Variants in CCDC192 observed in about 807,000 individuals in gnomAD.
CCDC192 encodes the protein coiled-coil domain containing 192.
chr5:127,913,287 T>C (rs1348617268), intron 6 of CCDC192, among the ~76,000 whole-genome samples: 2 of 152,206 alleles, frequency 1.3e-5, no homozygotes, highest in Non-Finnish European at 2.9e-5. Flanking sequence ...CACTTTACCA[T>C]ATTTTCCAAA....
chr5:127,747,551 A>G (rs376101087), intron 2 of CCDC192, among the ~76,000 whole-genome samples: 2 of 151,724 alleles, frequency 1.3e-5, no homozygotes, highest in Admixed American at 1.3e-4. Flanking sequence ...ATTGTGAATA[A>G]TGCCGCAATA....
intron 2 of CCDC192, among the ~76,000 whole-genome samples, chr5:127,738,240 A>T (rs1753149499): frequency 6.7e-6 from 1 of 148,342 alleles, no homozygotes; most frequent in African/African-American, 2.5e-5. Context: ...CTTTCCTTTA[A>T]GAATGTTGAA....
At chr5:127,879,620 C>T (rs1299706758) in intron 6 of CCDC192, among the ~76,000 whole-genome samples, 10 of 52,438 alleles carry the variant, frequency 1.9e-4, no homozygotes, top group Non-Finnish European at 1.2e-4. Context: ...TTCTGCACAG[C>T]AAAAGAAACT....
chr5:127,924,895 C>T (rs1304257311), intron 6 of CCDC192, among the ~76,000 whole-genome samples: 1 of 152,086 alleles, frequency 6.6e-6, no homozygotes, highest in African/African-American at 2.4e-5. Context: ...CTTTTATCCC[C>T]CTCTTTACTC....
chr5:127,819,237 G>A (rs902462321), intron 5 of CCDC192, among the ~76,000 whole-genome samples: 6 of 152,224 alleles, frequency 3.9e-5, no homozygotes, highest in South Asian at 2.1e-4. Flanking sequence ...TAGGAAGCGC[G>A]CTAACAACGA....
At chr5:127,828,429 A>G (rs1409077863) in intron 5 of CCDC192, among the ~76,000 whole-genome samples, 4 of 152,240 alleles carry the variant, frequency 2.6e-5, no homozygotes, top group Non-Finnish European at 5.9e-5. Context: ...TAGAAGTAGT[A>G]TGATCTTTGT....
intron 6 of CCDC192, among the ~76,000 whole-genome samples, chr5:127,935,043 TA>T (rs1274314957): frequency 6.6e-6 from 1 of 152,172 alleles, no homozygotes; most frequent in Non-Finnish European, 1.5e-5. Flanking sequence ...TCTTGTTGAG[TA>T]AATACTTGGC....
rs192270769 is a variant in CCDC192 at position 127,898,230 on chromosome 5, C to T, written c.535+22569C>T. On this transcript the variant is annotated intron_variant, in intron 6 of 6. Coordinates refer to ENST00000514853, the MANE Select transcript of CCDC192 (RefSeq NM_001317938.2). ...TTCAAGTGATTCTCCTGCCTAGGCC[C>T]CTCGAGTAGCTGGGATTATAGGCAC... 2.8e-3 allele frequency among the ~76,000 whole-genome samples: 428 copies of T among 152,058 alleles called. 1 individual carries two copies. The highest frequency in any genetic ancestry group is 9.9e-3 in the African/African-American group (410 of 41,468).
At chr5:127,903,147 A>G (rs1028519546) in intron 6 of CCDC192, among the ~76,000 whole-genome samples, 1 of 152,030 alleles carries the variant, frequency 6.6e-6, no homozygotes, top group African/African-American at 2.4e-5. Flanking sequence ...GCAGCTCCAC[A>G]CTTGCAGGGT....
intron 5 of CCDC192, among the ~76,000 whole-genome samples, chr5:127,845,186 A>T (rs1284753222): frequency 6.6e-6 from 1 of 152,196 alleles, no homozygotes; most frequent in Non-Finnish European, 1.5e-5. Context: ...ATTAGCCAAG[A>T]AGCCATGTTC....
chr5:127,850,262 G>T (rs1225897134), intron 5 of CCDC192, among the ~76,000 whole-genome samples: 2 of 152,176 alleles, frequency 1.3e-5, no homozygotes, highest in African/African-American at 4.8e-5. Context: ...GCTACATTCT[G>T]CTGGTCTAAC....
At chr5:127,766,576 A>G (rs1755235546) in intron 3 of CCDC192, among the ~76,000 whole-genome samples, 1 of 142,612 alleles carries the variant, frequency 7.0e-6, no homozygotes, top group Non-Finnish European at 1.5e-5. Context: ...TTCAAAGTCC[A>G]TTATTATCTG....
chr5:127,838,823 A>G (rs1375236013), intron 5 of CCDC192: 1 of 152,260 alleles, frequency 6.6e-6, no homozygotes, highest in Non-Finnish European at 1.5e-5. Context: ...TGAAAGCAGC[A>G]TCCTGTGTGT....
chr5:127,897,667 A>G (rs906104262), intron 6 of CCDC192, among the ~76,000 whole-genome samples: 1 of 151,906 alleles, frequency 6.6e-6, no homozygotes, highest in Non-Finnish European at 1.5e-5. Context: ...TTTCTTTTTC[A>G]TTTTTCCTCT....
chr5:127,890,221 TA>T (rs956682940), intron 6 of CCDC192, among the ~76,000 whole-genome samples: 15 of 152,058 alleles, frequency 9.9e-5, no homozygotes, highest in Non-Finnish European at 1.6e-4. Flanking sequence ...AAAATTTTTT[TA>T]AAAAAATAGC....
chr5:127,870,812 A>G (rs578225126), intron 5 of CCDC192, among the ~76,000 whole-genome samples: 1 of 152,370 alleles, frequency 6.6e-6, no homozygotes, highest in African/African-American at 2.4e-5. Context: ...TGACTTTTAA[A>G]GACAAGTTGT....
At chr5:127,790,295 T>C (rs1409640192) in intron 3 of CCDC192, among the ~76,000 whole-genome samples, 1 of 152,176 alleles carries the variant, frequency 6.6e-6, no homozygotes, top group Non-Finnish European at 1.5e-5. Flanking sequence ...TACCATCCTG[T>C]ATTTTGGGGC....
intron 3 of CCDC192, among the ~76,000 whole-genome samples, chr5:127,761,936 A>G (rs968262661): frequency 2.0e-5 from 3 of 152,194 alleles, no homozygotes; most frequent in Non-Finnish European, 4.4e-5. Context: ...TGTCCAGTCT[A>G]TCTTTTCTTT....
At chr5:127,765,273 T>C (rs1256572817) in intron 3 of CCDC192, among the ~76,000 whole-genome samples, 1 of 152,210 alleles carries the variant, frequency 6.6e-6, no homozygotes, top group Non-Finnish European at 1.5e-5. Flanking sequence ...GAAGCAGATA[T>C]GAAAGTCCCA....
Sources: allele counts gnomAD v4.1 joint callset (sites outside exome capture counted in the v4.1 genomes callset), GRCh38; gene constraint gnomAD v4.1.1; transcripts MANE v1.5; gene names NCBI Gene and HGNC (gene_info 2026-07-23, HGNC 2026-07-21).